RAVER2: variants seen among roughly 807,000 people sequenced by gnomAD.
The protein encoded by RAVER2 is ribonucleoprotein PTB-binding 2.
Under a neutral mutation model 78.1 loss-of-function variants are expected in RAVER2, and 46 were observed. That is an observed-to-expected ratio of 0.59 (90% CI 0.46 to 0.75). RAVER2 has a LOEUF of 0.75. Among genes scored for constraint, RAVER2 ranks in the 30% least tolerant of loss-of-function variants. The pLI, the probability that RAVER2 is intolerant of heterozygous loss-of-function variation, is 0.00. For synonymous variants in RAVER2, 311 were observed against 313.3 expected, an observed-to-expected ratio of 0.99 and a Z score of 0.08; for missense variants, 793 against 837.5, an observed-to-expected ratio of 0.95 and a Z score of 0.66.
At chr1:64,800,733 T>C (rs537495751) in intron 5 of RAVER2, among the ~76,000 whole-genome samples, 2 of 152,304 alleles carry the variant, frequency 1.3e-5, no homozygotes, top group East Asian at 3.9e-4. Context: ...ATCATAACTT[T>C]CCTAAAATTA....
chr1:64,776,235 T>C (rs1652459504), intron 2 of RAVER2, among the ~76,000 whole-genome samples: 1 of 152,126 alleles, frequency 6.6e-6, no homozygotes, highest in South Asian at 2.1e-4. Flanking sequence ...AGAATCAAAA[T>C]CAAGCCTTTT....
intron 11 of RAVER2, among the ~76,000 whole-genome samples, chr1:64,817,540 C>T (rs983501395): frequency 6.6e-6 from 1 of 152,024 alleles, no homozygotes; most frequent in Non-Finnish European, 1.5e-5. Context: ...TAAGAAAATG[C>T]AGCACATATG....
Position 64,745,367 on chromosome 1 carries a change from G to A in RAVER2, c.195G>A (p.Leu65=), listed in dbSNP as rs1267385443. 1 of 1,544,248 alleles carries A rather than the reference G, an allele frequency of 6.5e-7. No individual in the cohort carries two copies. The change falls in exon 1 of 12, where the codon CTG becomes CTA. Residue 65 remains leucine (L), a synonymous_variant. Transcript: ENST00000294428. This position sits in a 1 kb window ranked among gnomAD's most constrained non-coding sequence, Gnocchi z 4.3. Reference sequence around the variant, plus strand: ...GACTGCAGCGGATGCAGCGGGAGCTGAGCAACCGCAGGAAAATCCTGGTGA... The same window carrying A: ...GACTGCAGCGGATGCAGCGGGAGCTAAGCAACCGCAGGAAAATCCTGGTGA...
intron 4 of RAVER2, among the ~76,000 whole-genome samples, chr1:64,784,153 G>T (rs1214555589): frequency 6.6e-6 from 1 of 152,218 alleles, no homozygotes; most frequent in Admixed American, 6.5e-5. Flanking sequence ...GGAGGCCAAG[G>T]TGGGAGGATT....
chr1:64,831,412 T>C (rs2100909688), exon 12 of RAVER2: 1 of 153,292 alleles, frequency 6.5e-6, no homozygotes, highest in African/African-American at 2.4e-5. Context: ...ATTGCATTTA[T>C]AGATTTTTAG....
exon 12 of RAVER2, chr1:64,831,788 G>C (rs1654142650): frequency 6.6e-6 from 1 of 152,124 alleles, no homozygotes; most frequent in African/African-American, 2.4e-5. Context: ...CTTATGACAT[G>C]AAATTTATAT....
intron 9 of RAVER2, among the ~76,000 whole-genome samples, chr1:64,812,464 C>G (rs1570577784): frequency 6.7e-6 from 1 of 149,506 alleles, no homozygotes; most frequent in African/African-American, 2.5e-5. Context: ...TTTGGTTTTT[C>G]TTGTGAAGAT....
intron 5 of RAVER2, among the ~76,000 whole-genome samples, chr1:64,793,282 A>C (rs1401049434): frequency 6.6e-6 from 1 of 152,196 alleles, no homozygotes; most frequent in Non-Finnish European, 1.5e-5. Context: ...AACAACTGAC[A>C]TATATTATAC....
exon 7 of RAVER2, chr1:64,804,782 C>G (rs747038414): frequency 1.3e-6 from 2 of 1,549,638 alleles, no homozygotes; most frequent in African/African-American, 2.7e-5. Flanking sequence ...GAATCTTTCT[C>G]ATATACCACT....
chr1:64,755,585 A>G (rs1651829202), intron 1 of RAVER2, among the ~76,000 whole-genome samples: 1 of 151,380 alleles, frequency 6.6e-6, no homozygotes, highest in African/African-American at 2.4e-5. Flanking sequence ...TCTTTCCTCA[A>G]CCCACTGCAG....
Position 64,745,995 on chromosome 1 carries a change from G to A in RAVER2, c.249+574G>A, listed in dbSNP as rs763391308. Among the ~76,000 whole-genome samples the A allele has an allele frequency of 6.6e-6, 1 of 152,206 alleles. No homozygotes were observed. Among genetic ancestry groups the A allele is most frequent in the Non-Finnish European group, 1.5e-5 (1 of 68,036 alleles). ...GGCCCCAGAATAGAGTTATTGCTGCGCTCCTTGGAGCCTTGCAGCCGCCTC... is the reference window on the plus strand; with the variant it reads ...GGCCCCAGAATAGAGTTATTGCTGCACTCCTTGGAGCCTTGCAGCCGCCTC... On this transcript the variant is annotated intron_variant, in intron 1 of 11. Transcript: ENST00000294428. This position sits in a 1 kb window ranked among gnomAD's most constrained non-coding sequence, Gnocchi z 4.3.
rs1001471953 is a variant in RAVER2, at chr1:64,828,997, A to T, written c.1930-1842A>T. On this transcript the variant is annotated intron_variant, in intron 11 of 11. Coordinates refer to ENST00000294428, the Ensembl canonical transcript of RAVER2. ...CTTTGTCTTTATTGTAAGATGAGTGACACCCACTTTCATTTCCTGTTCTAA... is the reference window on the plus strand; with the variant it reads ...CTTTGTCTTTATTGTAAGATGAGTGTCACCCACTTTCATTTCCTGTTCTAA... Among the ~76,000 whole-genome samples, 12 of 152,306 alleles carry T rather than the reference A, an allele frequency of 7.9e-5. No individual in the cohort carries two copies. In the East Asian group the frequency reaches 9.7e-4, roughly 12 times the overall value.
At chr1:64,780,058 C>T (rs1652586453) in intron 3 of RAVER2, among the ~76,000 whole-genome samples, 3 of 151,722 alleles carry the variant, frequency 2.0e-5, no homozygotes, top group Non-Finnish European at 2.9e-5. Flanking sequence ...GCATGAAGAT[C>T]ATTATAATGA....
At chr1:64,812,870 CTTG>C (rs1395391941) in intron 10 of RAVER2, 21 bp downstream of exon 10, 4 of 1,507,738 alleles carry the variant, frequency 2.7e-6, no homozygotes, top group Non-Finnish European at 3.6e-6. Context: ...GCTCAGTATT[CTTG>C]TTGTGGAGTT....
At chr1:64,808,472 T>G (rs1304516463) in intron 9 of RAVER2, among the ~76,000 whole-genome samples, 1 of 147,092 alleles carries the variant, frequency 6.8e-6, no homozygotes, top group Non-Finnish European at 1.5e-5. Context: ...TTTTTTTTTT[T>G]TTTTTTTGAG....
intron 11 of RAVER2, chr1:64,815,616 C>A (rs770386403): frequency 3.3e-5 from 5 of 152,174 alleles, no homozygotes; most frequent in African/African-American, 9.7e-5. Flanking sequence ...CTTCTCAGAT[C>A]TATCCTGTTC....
At chr1:64,814,521 A>G (rs1653706527) in intron 10 of RAVER2, among the ~76,000 whole-genome samples, 183 bp from the exon 11 acceptor site, 1 of 152,132 alleles carries the variant, frequency 6.6e-6, no homozygotes, top group Non-Finnish European at 1.5e-5. Flanking sequence ...AAAATTATTT[A>G]GTTATATATT....
In RAVER2 at chr1:64,748,417, G is replaced by A. The variant is rs140655222; in HGVS notation, c.249+2996G>A. 9.2e-5 allele frequency among the ~76,000 whole-genome samples: 14 copies of A among 152,286 alleles called. 1 individual carries two copies. Among genetic ancestry groups the A allele is most frequent in the African/African-American group, 3.1e-4 (13 of 41,562 alleles). ...ACTTCCCTTGAGGGATACTCCTGAA[G>A]CACAAATCTGATCATGTCACTCTCC... On this transcript the variant is annotated intron_variant, in intron 1 of 11. Coordinates refer to ENST00000294428, the Ensembl canonical transcript of RAVER2.
intron 1 of RAVER2, among the ~76,000 whole-genome samples, chr1:64,751,588 C>T (rs1570522256): frequency 6.6e-6 from 1 of 152,138 alleles, no homozygotes; most frequent in South Asian, 2.1e-4. Context: ...TTTTGTTTTT[C>T]ATTTTTAGAT....
Sources: allele counts gnomAD v4.1 joint callset (sites outside exome capture counted in the v4.1 genomes callset), GRCh38; gene constraint gnomAD v4.1.1; non-coding constraint Gnocchi (gnomAD v3.1); transcripts MANE v1.5; gene names NCBI Gene and HGNC (gene_info 2026-07-23, HGNC 2026-07-21).